The following PWWP2A variants were observed in gnomAD, a reference collection of about 807,000 sequenced individuals.
The protein encoded by PWWP2A is PWWP domain-containing protein 2A.
A neutral mutation model predicts 48.5 loss-of-function variants in PWWP2A; 18 were observed. That is an observed-to-expected ratio of 0.37 (90% confidence interval 0.26 to 0.55). The LOEUF is 0.55. Among genes scored for constraint, PWWP2A ranks in the 20% least tolerant of loss-of-function variants. The probability of loss-of-function intolerance (pLI) is 0.81; values close to 1 mark genes in which losing one functional copy is unlikely to be tolerated. For missense variants in PWWP2A, 867 were observed against 976.4 expected (o/e 0.89, Z 1.49); for synonymous variants, 396 against 387.7 (o/e 1.02, Z -0.25).
chr5:160,073,787 G>A (rs1379153926), downstream of PWWP2A, among the ~76,000 whole-genome samples: 1 of 152,094 alleles, frequency 6.6e-6, no homozygotes, highest in South Asian at 2.1e-4. Context: ...ATTCCAAGCC[G>A]GGTGCGGTGG....
downstream of PWWP2A, among the ~76,000 whole-genome samples, chr5:160,059,979 C>A (rs1310423032): frequency 6.6e-6 from 1 of 152,184 alleles, no homozygotes; most frequent in Non-Finnish European, 1.5e-5. Flanking sequence ...AAGCACAGCA[C>A]AACAAAATAA....
chr5:160,115,155 A>G (rs1346780407), intron 1 of PWWP2A, among the ~76,000 whole-genome samples: 1 of 112,024 alleles, frequency 8.9e-6, no homozygotes, highest in African/African-American at 2.8e-5. Context: ...AAAAAAAAAA[A>G]AAAAAAAAAA....
intron 1 of PWWP2A, among the ~76,000 whole-genome samples, chr5:160,104,896 A>T (rs979373569): frequency 2.0e-5 from 3 of 152,060 alleles, no homozygotes; most frequent in African/African-American, 7.2e-5. Flanking sequence ...CACAAAAATA[A>T]TTCCCTTTCC....
At chr5:160,095,908 G>A (rs1046799463) in intron 1 of PWWP2A, among the ~76,000 whole-genome samples, 3 of 151,912 alleles carry the variant, frequency 2.0e-5, no homozygotes, top group South Asian at 2.1e-4. Context: ...TTGTCCAGGC[G>A]AATGCCTGAG....
the PWWP2A span, among the ~76,000 whole-genome samples, chr5:160,052,548 CAAAAAAAAAAAA>C: frequency 9.3e-4 from 63 of 68,096 alleles, 1 homozygote; most frequent in East Asian, 7.0e-3. Context: ...TCTATTTTAG[CAAAAAAAAAAAA>C]AAAAAAAAAA....
the PWWP2A span, among the ~76,000 whole-genome samples, chr5:160,046,269 T>C: frequency 6.6e-6 from 1 of 152,212 alleles, no homozygotes; most frequent in African/African-American, 2.4e-5. Flanking sequence ...CTCAATTTAG[T>C]CGTTGCTTCT....
At chr5:160,117,552 G>A (rs960970167) in intron 1 of PWWP2A, among the ~76,000 whole-genome samples, 2 of 152,066 alleles carry the variant, frequency 1.3e-5, no homozygotes, top group African/African-American at 4.8e-5. Flanking sequence ...AGCTACTTGG[G>A]AGGCTGAGGC....
chr5:160,071,191 A>G (rs1753731203), downstream of PWWP2A, among the ~76,000 whole-genome samples: 1 of 152,138 alleles, frequency 6.6e-6, no homozygotes, highest in Non-Finnish European at 1.5e-5. Flanking sequence ...TCAAAAAGAA[A>G]AAGAGATGTT....
chr5:160,118,732 G>C, intron 1 of PWWP2A, 73 bp downstream of exon 1: 18 of 1,321,636 alleles, frequency 1.4e-5, no homozygotes, highest in East Asian at 3.1e-5. Context: ...GGCTCGGGGA[G>C]AGGGGGCCGC....
In PWWP2A at chr5:160,118,887, G is replaced by A; in HGVS notation, c.502C>T (p.His168Tyr). The change falls in exon 1 of 2, where the codon CAC (histidine) becomes TAC (tyrosine). Residue 168 changes from histidine (H) to tyrosine (Y), a missense_variant. Transcript: ENST00000307063. ...PGSEVRVTLD[H>Y]IIEDALVVSF... ...ACGACAAGCGCGTCCTCAATGATGT[G>A]GTCCAGCGTGACCCGCACCTCCGAG... The A allele has an allele frequency of 6.2e-7, 1 of 1,601,000 alleles. No individual in the cohort carries two copies. Among genetic ancestry groups the A allele is most frequent in the South Asian group, 1.1e-5 (1 of 89,442 alleles).
rs369312291 is a variant in PWWP2A at position 160,093,372 on chromosome 5, C to T, written c.1278G>A (p.Ala426=). 86 of 1,613,894 alleles carry T rather than the reference C, an allele frequency of 5.3e-5. No individual in the cohort carries two copies. The highest frequency in any genetic ancestry group is 1.6e-4 in the African/African-American group (12 of 75,062). Residue 426 remains alanine (A), a synonymous_variant, in exon 2 of 2, where the codon GCG becomes GCA. Coordinates refer to ENST00000307063, the MANE Select transcript of PWWP2A (RefSeq NM_001130864.2). The surrounding 1 kb of genome is among the most constrained non-coding windows in gnomAD (Gnocchi z 5.8). ...CAATTTTTAACACTTCCCGAGCTTT[C>T]GCATGATCCATGTTCTTACTCTGGA... ...KVLQSKNMDH[A]KAREVLKIAK...
At chr5:160,116,651 A>G (rs1758176258) in intron 1 of PWWP2A, 2 of 984,918 alleles carry the variant, frequency 2.0e-6, no homozygotes, top group African/African-American at 3.5e-5. Context: ...CACTAACACA[A>G]TGAGCACTTA....
Position 160,077,524 on chromosome 5 carries a change from A to G in PWWP2A, c.*631T>C, listed in dbSNP as rs1753949998. On this transcript the variant is annotated 3_prime_UTR_variant, in exon 4 of 4. Transcript: ENST00000456329. This position sits in a 1 kb window ranked among gnomAD's most constrained non-coding sequence, Gnocchi z 4.2. ...AACAAGCAAACATATATTCAAGATA[A>G]TACAGCCCTGCTTTATTAAAGAAGG... is the stretch of plus-strand genomic sequence containing the variant. The G allele has an allele frequency of 6.6e-6, 1 of 152,302 alleles. No homozygotes were observed. The highest frequency in any genetic ancestry group is 1.5e-5 in the Non-Finnish European group (1 of 68,086). 9.4% of individuals were successfully genotyped at this position (152,302 alleles called of 1,614,324 possible).
At chr5:160,084,568 A>C (rs1009478091) in intron 2 of PWWP2A, among the ~76,000 whole-genome samples, 1 of 151,630 alleles carries the variant, frequency 6.6e-6, no homozygotes, top group South Asian at 2.1e-4. Context: ...AGCTGGGACT[A>C]CAGGCGTGCA....
Position 160,093,743 on chromosome 5 carries a change from T to C in PWWP2A, c.907A>G (p.Arg303Gly). The C allele has an allele frequency of 1.2e-6, 2 of 1,614,088 alleles. No individual in the cohort carries two copies. Among genetic ancestry groups the C allele is most frequent in the Non-Finnish European group, 1.7e-6 (2 of 1,179,906 alleles). Reference protein sequence around the residue: ...KIKRPKRKMYREEPTSIMNAI... With the variant: ...KIKRPKRKMYGEEPTSIMNAI... Reference sequence around the variant, plus strand: ...TTCATTATTGAAGTGGGTTCTTCCCTGTACATTTTTCGTTTGGGTCGCTTA... The same window carrying C: ...TTCATTATTGAAGTGGGTTCTTCCCCGTACATTTTTCGTTTGGGTCGCTTA... Residue 303 changes from arginine to glycine, a missense_variant, in exon 2 of 2, where the codon AGG (arginine) becomes GGG (glycine). Arg to Gly is a moderately radical substitution (Grantham distance 125). This residue lies in a region of PWWP2A where 382 missense variants were observed against 407.2 expected (regional missense o/e 0.94). Coordinates refer to ENST00000307063, the MANE Select transcript of PWWP2A (RefSeq NM_001130864.2). This position sits in a 1 kb window ranked among gnomAD's most constrained non-coding sequence, Gnocchi z 5.8.
chr5:160,095,404 C>T (rs992985855), intron 1 of PWWP2A, among the ~76,000 whole-genome samples: 7 of 152,178 alleles, frequency 4.6e-5, no homozygotes, highest in African/African-American at 1.7e-4. Flanking sequence ...TTAAAATAAA[C>T]TTGCTATACT....
chr5:160,046,789 G>A, the PWWP2A span, among the ~76,000 whole-genome samples: 276 of 152,252 alleles, frequency 1.8e-3, 2 homozygotes, highest in African/African-American at 6.3e-3. Flanking sequence ...TGAGGCTGGT[G>A]GATCATGAGG....
chr5:160,048,838 C>T, the PWWP2A span, among the ~76,000 whole-genome samples: 3 of 152,158 alleles, frequency 2.0e-5, no homozygotes, highest in African/African-American at 7.2e-5. Flanking sequence ...GTAATCCCAG[C>T]TACGTGGGAG....
chr5:160,064,968 C>G, intron 4 of PWWP2A: 2 of 1,613,920 alleles, frequency 1.2e-6, no homozygotes, highest in Non-Finnish European at 1.7e-6. Flanking sequence ...GTTCTCCGAC[C>G]TTTTGGGCTC....
Sources: allele counts gnomAD v4.1 joint callset (sites outside exome capture counted in the v4.1 genomes callset), GRCh38; gene constraint gnomAD v4.1.1; regional missense constraint gnomAD v4.1.1; non-coding constraint Gnocchi (gnomAD v3.1); transcripts MANE v1.5; gene names NCBI Gene and HGNC (gene_info 2026-07-23, HGNC 2026-07-21).